Variants in R3HDM4 observed in about 807,000 individuals in gnomAD.
R3HDM4 encodes R3H domain-containing protein 4.
Under a neutral mutation model 31.3 loss-of-function variants are expected in R3HDM4, and 30 were observed. The ratio of observed to expected loss-of-function variants is 0.96; its 90% confidence interval spans 0.72 to 1.30. The LOEUF is 1.30. Among genes scored for constraint, R3HDM4 ranks in the 50% most tolerant of loss-of-function variants. The pLI, the probability that R3HDM4 is intolerant of heterozygous loss-of-function variation, is 0.00. For missense variants in R3HDM4, 444 were observed against 366.1 expected, an observed-to-expected ratio of 1.21 and a Z score of -1.74; for synonymous variants, 196 against 156.6, an observed-to-expected ratio of 1.25 and a Z score of -1.88.
rs555363627 is a variant in R3HDM4 at position 903,650 on chromosome 19, G to A, written c.72-1520C>T. On this transcript the variant is annotated intron_variant, in intron 1 of 7. Coordinates refer to ENST00000361574, the MANE Select transcript of R3HDM4 (RefSeq NM_138774.4). ...AGCTCATGTAATCCCAGCACTTTGGGAGCCCAAGGTGGGTGGATCCCTTGA... is the reference window on the plus strand; with the variant it reads ...AGCTCATGTAATCCCAGCACTTTGGAAGCCCAAGGTGGGTGGATCCCTTGA... 3.7e-3 allele frequency among the ~76,000 whole-genome samples: 559 copies of A among 152,332 alleles called. 5 individuals are homozygous for A. The highest frequency in any genetic ancestry group is 0.013 in the African/African-American group (529 of 41,570).
In R3HDM4 at chr19:899,354, C is replaced by T. The variant is rs1438693602; in HGVS notation, c.703+86G>A. 2 of 1,415,638 alleles carry T rather than the reference C, an allele frequency of 1.4e-6. No homozygotes were observed. The highest frequency in any genetic ancestry group is 2.3e-5 in the East Asian group (1 of 43,692). The allele number at this position is 1,415,638 out of a possible 1,614,324, so 87.7% of individuals were successfully genotyped here. Reference sequence around the variant, plus strand: ...TTCCCCACCTCCCCACCAAGCCCCACTCTGAGGAACCAGGCCCCTGGGACC... The same window carrying T: ...TTCCCCACCTCCCCACCAAGCCCCATTCTGAGGAACCAGGCCCCTGGGACC... On this transcript the variant is annotated intron_variant, in intron 7 of 7. Transcript: ENST00000361574. This position sits in a 1 kb window ranked among gnomAD's most constrained non-coding sequence, Gnocchi z 6.8.
Position 900,927 on chromosome 19 carries a change from G to A in R3HDM4, c.377C>T (p.Ser126Phe). ...VEVWNDFMNR[S>F]GEEQERVLRY... ...AAGAACCCGCTCCTGCTCCTCCCCG[G>A]AGCGGTTCATGAAATCGTTCCAGAC... Residue 126 changes from serine to phenylalanine, a missense_variant, in exon 4 of 8, where the codon TCC becomes TTC. Physicochemically the swap from Ser to Phe is radical, Grantham distance 155. Transcript: ENST00000361574. 6.2e-7 allele frequency: 1 copy of A among 1,607,644 alleles called. No homozygotes were observed. The highest frequency in any genetic ancestry group is 8.5e-7 in the Non-Finnish European group (1 of 1,177,886).
intron 3 of R3HDM4, chr19:901,157 G>A: frequency 5.8e-6 from 4 of 687,228 alleles, no homozygotes; most frequent in Non-Finnish European, 7.0e-6. Flanking sequence ...GTCTCGGGGT[G>A]GGGGGGATTG....
chr19:913,188 C>T lies in R3HDM4; in HGVS notation c.-31G>A. 9.4e-7 allele frequency: 1 copy of T among 1,058,292 alleles called. No individual in the cohort carries two copies. The allele number at this position is 1,058,292 out of a possible 1,614,324, so 65.6% of individuals were successfully genotyped here. A position where few individuals can be genotyped will look rare whatever the true frequency, so the allele number is the denominator to read the frequency against. Reference sequence around the variant, plus strand: ...GCACGCTGTCGCCGCCGCCGCCGCCCGGCAGGGCCTTCACCGGGCCGGGCA... The same window carrying T: ...GCACGCTGTCGCCGCCGCCGCCGCCTGGCAGGGCCTTCACCGGGCCGGGCA... On this transcript the variant is annotated 5_prime_UTR_variant, in exon 1 of 8. Coordinates refer to ENST00000361574, the MANE Select transcript of R3HDM4 (RefSeq NM_138774.4). The surrounding 1 kb of genome is among the most constrained non-coding windows in gnomAD (Gnocchi z 5.0).
intron 7 of R3HDM4, among the ~76,000 whole-genome samples, chr19:898,393 A>G (rs2036772056): frequency 1.9e-5 from 2 of 107,698 alleles, no homozygotes; most frequent in South Asian, 7.6e-4. Context: ...TGACAGAGCG[A>G]GACTTGGTCT....
chr19:906,183 C>T (rs994645650), intron 1 of R3HDM4, among the ~76,000 whole-genome samples: 1 of 151,454 alleles, frequency 6.6e-6, no homozygotes, highest in Non-Finnish European at 1.5e-5. Flanking sequence ...CGCCACCACG[C>T]CTGGCTAATT....
At chr19:904,250 G>C (rs962347522) in intron 1 of R3HDM4, among the ~76,000 whole-genome samples, 5 of 152,068 alleles carry the variant, frequency 3.3e-5, no homozygotes, top group African/African-American at 7.2e-5. Flanking sequence ...TCCAAGACAC[G>C]ATTTCCCGTC....
At chr19:909,599 C>T (rs757884446) in intron 1 of R3HDM4, among the ~76,000 whole-genome samples, 2 of 151,798 alleles carry the variant, frequency 1.3e-5, no homozygotes, top group Non-Finnish European at 2.9e-5. Flanking sequence ...AGTTTGAGAC[C>T]AGCCTGACCA....
At position 899,505 on chromosome 19, in the gene R3HDM4, A is replaced by G. The variant is rs2036794152; in HGVS notation, c.648-10T>C. On this transcript the variant is annotated splice_polypyrimidine_tract_variant and intron_variant, in intron 6 of 7. Transcript: ENST00000361574. The surrounding 1 kb of genome is among the most constrained non-coding windows in gnomAD (Gnocchi z 6.8). The stretch of plus-strand genomic sequence containing the variant: ...CAGAAGCCTCTCGAAGCTGTGGGGA[A>G]CGGGCAGTGAGCGCCGTGCAGGGGC... The G allele has an allele frequency of 6.2e-7, 1 of 1,613,558 alleles. No individual in the cohort carries two copies. Among genetic ancestry groups the G allele is most frequent in the African/African-American group, 1.3e-5 (1 of 75,028 alleles).
Position 907,352 on chromosome 19 carries a change from GC to G in R3HDM4, c.72-5223del, listed in dbSNP as rs200489514. ...GTCCCATGCCCCAGATTCACCCACA[GC>G]CCCCCCTGAGGCCCCGGGGCCTACT... On this transcript the variant is annotated intron_variant, in intron 1 of 7. Transcript: ENST00000361574. This position sits in a 1 kb window ranked among gnomAD's most constrained non-coding sequence, Gnocchi z 4.1. 0.012 allele frequency among the ~76,000 whole-genome samples: 1,801 copies of G among 152,038 alleles called. 15 individuals carry two copies. The highest frequency in any genetic ancestry group is 0.037 in the Middle Eastern group (11 of 294).
At chr19:903,612 A>G (rs1210286435) in intron 1 of R3HDM4, among the ~76,000 whole-genome samples, 1 of 152,184 alleles carries the variant, frequency 6.6e-6, no homozygotes, top group African/African-American at 2.4e-5. Context: ...AAACCACACA[A>G]ACTGGGCGTG....
rs2036912329 is a variant in R3HDM4 at position 906,913 on chromosome 19, T to C, written c.72-4783A>G. Among the ~76,000 whole-genome samples the C allele has an allele frequency of 2.0e-5, 3 of 152,110 alleles. No homozygotes were observed. In the South Asian group the frequency reaches 6.2e-4, roughly 31 times the overall value. ...TCACTGCAACCTCCACCTCCCTGGC[T>C]CAACCGAGTCTCCTGCCTCAGCCTC... On this transcript the variant is annotated intron_variant, in intron 1 of 7. Transcript: ENST00000361574.
chr19:900,320 C>T, intron 4 of R3HDM4, among the ~76,000 whole-genome samples, 174 bp from the exon 5 acceptor site: 1 of 152,074 alleles, frequency 6.6e-6, no homozygotes, highest in Non-Finnish European at 1.5e-5. Flanking sequence ...GACCCTACCC[C>T]CACGAGGCCC....
chr19:909,081 C>A (rs1219056221), intron 1 of R3HDM4, among the ~76,000 whole-genome samples: 2 of 152,218 alleles, frequency 1.3e-5, no homozygotes, highest in East Asian at 3.8e-4. Context: ...GTATCTGAGG[C>A]TTCCTGGACC....
Position 901,543 on chromosome 19 carries a change from TG to T in R3HDM4, c.229del (p.Gln77SerfsTer4). 6.2e-7 allele frequency: 1 copy of T among 1,603,230 alleles called. No individual in the cohort carries two copies. ...TGTCTCCAGCAGGGTCAGGAGGTAC[TG>T]GGCTAGGTGGAAACAGATGCTCTCT... ...RKSLQRLENT[Q>X]YLLTLLETDG... is the part of the protein sequence containing the mutation. On this transcript the variant is annotated frameshift_variant and splice_region_variant, in exon 3 of 8. Transcript: ENST00000361574. LOFTEE classifies it high-confidence loss of function.
intron 1 of R3HDM4, among the ~76,000 whole-genome samples, chr19:904,155 G>C (rs1156694213): frequency 6.6e-6 from 1 of 152,062 alleles, no homozygotes; most frequent in Non-Finnish European, 1.5e-5. Context: ...TACCAGGATC[G>C]GCTCCACCCT....
At chr19:910,954 A>G (rs2036964069) in intron 1 of R3HDM4, among the ~76,000 whole-genome samples, 1 of 150,000 alleles carries the variant, frequency 6.7e-6, no homozygotes. Flanking sequence ...CCCCGTCTCT[A>G]CTAAAAATAC....
In R3HDM4 at chr19:899,709, C is replaced by T. The variant is rs1471206829; in HGVS notation, c.562-23G>A. On this transcript the variant is annotated intron_variant, in intron 5 of 7. Coordinates refer to ENST00000361574, the MANE Select transcript of R3HDM4 (RefSeq NM_138774.4). The surrounding 1 kb of genome is among the most constrained non-coding windows in gnomAD (Gnocchi z 6.8). ...TTCCTGGGGAGAGCGGCCCGGTGGT[C>T]AGGGAACTGCGGGACCTGTGGGTGG... is the stretch of plus-strand genomic sequence containing the variant. 6 of 1,534,878 alleles carry T rather than the reference C, an allele frequency of 3.9e-6. No individual in the cohort carries two copies. In the South Asian group the frequency reaches 7.3e-5, roughly 19 times the overall value.
chr19:900,808 C>G (rs754748100), intron 4 of R3HDM4, 21 bp downstream of exon 4: 1 of 1,446,386 alleles, frequency 6.9e-7, no homozygotes, highest in South Asian at 1.2e-5. Flanking sequence ...CCACCCATAC[C>G]CGCCCCAGCC....
Sources: gnomAD v4.1 joint callset for allele counts (sites outside exome capture counted in the v4.1 genomes callset) on GRCh38, gnomAD v4.1.1 for gene constraint, Gnocchi (gnomAD v3.1) non-coding constraint, MANE v1.5 for transcripts, NCBI Gene and HGNC (gene_info 2026-07-23, HGNC 2026-07-21) for gene names.